The following ESR1 variants were observed in gnomAD, a reference collection of about 807,000 sequenced individuals.
ESR1 encodes the protein estrogen receptor 1.
Under a neutral mutation model 52.7 loss-of-function variants are expected in ESR1, and 12 were observed. The ratio of observed to expected loss-of-function variants is 0.23; its 90% CI spans 0.15 to 0.37. ESR1 has a LOEUF of 0.37. Among genes scored for constraint, ESR1 ranks in the 10% least tolerant of loss-of-function variants. ESR1 has a pLI of 1.00. For missense variants in ESR1, 584 were observed against 779.7 expected (o/e 0.75, Z 2.99); for synonymous variants, 305 against 316.8 (o/e 0.96, Z 0.39).
intron 1 of ESR1, among the ~76,000 whole-genome samples, chr6:151,681,012 C>A (rs1438722818): frequency 2.0e-5 from 3 of 152,148 alleles, no homozygotes; most frequent in African/African-American, 7.2e-5. Context: ...GCTGCTTGGC[C>A]TCCTTACCTG....
intron 2 of ESR1, among the ~76,000 whole-genome samples, chr6:151,737,338 G>A (rs1782756632): frequency 6.6e-6 from 1 of 152,084 alleles, no homozygotes; most frequent in African/African-American, 2.4e-5. Context: ...TATTCATCTT[G>A]CCAATTGTCC....
intron 2 of ESR1, among the ~76,000 whole-genome samples, chr6:151,843,279 G>T (rs1031425505): frequency 6.6e-6 from 1 of 152,006 alleles, no homozygotes; most frequent in African/African-American, 2.4e-5. Context: ...TCTCTTTCTT[G>T]TCTCAATGGA....
At chr6:151,883,858 C>G (rs1417808335) in intron 3 of ESR1, among the ~76,000 whole-genome samples, 2 of 152,136 alleles carry the variant, frequency 1.3e-5, no homozygotes, top group African/African-American at 4.8e-5. Context: ...TCGGGGCATC[C>G]ACAGCTTCTT....
rs1323839953 is a variant in ESR1, at chr6:152,102,830, AC to A, written c.*3867del. On this transcript the variant is annotated 3_prime_UTR_variant, in exon 8 of 8. Coordinates refer to ENST00000206249, the MANE Select transcript of ESR1 (RefSeq NM_000125.4). ...ATATGTAAATGCTGCCATGTTCCAA[AC>A]CCATCGTCAGTGTGTGTGTTTAGAG... 2 of 226,108 alleles carry A rather than the reference AC, an allele frequency of 8.8e-6. No homozygotes were observed. Among genetic ancestry groups the A allele is most frequent in the Non-Finnish European group, 1.8e-5 (2 of 113,470 alleles). 14.0% of individuals were successfully genotyped at this position (226,108 alleles called of 1,614,324 possible). A position where few individuals can be genotyped will look rare whatever the true frequency, so the allele number is the denominator to read the frequency against.
intron 2 of ESR1, among the ~76,000 whole-genome samples, chr6:151,872,045 G>T (rs1043056301): frequency 4.6e-5 from 7 of 152,142 alleles, no homozygotes; most frequent in African/African-American, 1.7e-4. Flanking sequence ...ATGAACATGG[G>T]TATAAAAATA....
At chr6:151,842,153 A>G (rs948473045) in intron 1 of ESR1, among the ~76,000 whole-genome samples, 5 of 152,166 alleles carry the variant, frequency 3.3e-5, no homozygotes, top group East Asian at 1.9e-4. Context: ...TTTTTGACAC[A>G]TGTTCTGTGT....
intron 2 of ESR1, among the ~76,000 whole-genome samples, chr6:151,765,904 C>T (rs1230421955): frequency 1.3e-5 from 2 of 152,136 alleles, no homozygotes; most frequent in African/African-American, 4.8e-5. Context: ...TATCAAAATG[C>T]GTTGGTTTAT....
At chr6:152,042,320 A>G (rs2045875833) in intron 5 of ESR1, among the ~76,000 whole-genome samples, 1 of 152,188 alleles carries the variant, frequency 6.6e-6, no homozygotes, top group Admixed American at 6.5e-5. Flanking sequence ...CCCCACTGTA[A>G]GTTGGACCTG....
At chr6:151,662,641 A>G (rs1218131393) in intron 1 of ESR1, among the ~76,000 whole-genome samples, 1 of 152,158 alleles carries the variant, frequency 6.6e-6, no homozygotes. Context: ...ACCACAGGCG[A>G]GAAAGTGGCA....
chr6:151,996,677 G>A (rs1401448707), intron 4 of ESR1, among the ~76,000 whole-genome samples: 3 of 152,028 alleles, frequency 2.0e-5, no homozygotes, highest in Non-Finnish European at 2.9e-5. Context: ...ATAAGCATGC[G>A]TATAGAGGGT....
chr6:151,806,530 G>GTATGTATGTATATA (rs1430574846), upstream of ESR1, among the ~76,000 whole-genome samples: 3 of 96,468 alleles, frequency 3.1e-5, no homozygotes, highest in African/African-American at 1.2e-4. Context: ...TCCTTAATAT[G>GTATGTATGTATATA]TATATATATA....
At chr6:152,122,266 T>A in intron 6 of ESR1, 1 of 1,001,718 alleles carries the variant, frequency 1.0e-6, no homozygotes, top group Non-Finnish European at 1.5e-6. Flanking sequence ...TCACTGTTTA[T>A]CTTCCACCTC....
chr6:152,066,157 G>A (rs2047947619), intron 6 of ESR1, among the ~76,000 whole-genome samples: 1 of 152,188 alleles, frequency 6.6e-6, no homozygotes, highest in South Asian at 2.1e-4. Context: ...GGATGCTGAA[G>A]CAGATGCCAT....
chr6:151,916,449 G>T (rs34051518), intron 3 of ESR1, among the ~76,000 whole-genome samples: 1,550 of 152,302 alleles, frequency 0.01, 18 homozygotes, highest in African/African-American at 0.036. Context: ...TTCTTATTAA[G>T]AAATTTTTTA....
At chr6:151,656,763 G>A (rs935106498) in exon 1 of ESR1, 1 of 152,076 alleles carries the variant, frequency 6.6e-6, no homozygotes, top group Non-Finnish European at 1.5e-5. Flanking sequence ...TACCAAAGAA[G>A]GTAAGTTTTT....
intron 3 of ESR1, among the ~76,000 whole-genome samples, chr6:151,910,953 A>G (rs1028928355): frequency 2.0e-5 from 3 of 152,178 alleles, no homozygotes; most frequent in Non-Finnish European, 4.4e-5. Flanking sequence ...ATCATCAGGC[A>G]TTATTAGGTT....
chr6:151,863,794 A>C (rs1229614289), intron 2 of ESR1, among the ~76,000 whole-genome samples: 1 of 152,174 alleles, frequency 6.6e-6, no homozygotes, highest in Non-Finnish European at 1.5e-5. Flanking sequence ...AAACGTGACA[A>C]AAACAAGAAA....
intron 2 of ESR1, among the ~76,000 whole-genome samples, chr6:151,717,440 T>C (rs1231595275): frequency 6.6e-6 from 1 of 152,254 alleles, no homozygotes; most frequent in Non-Finnish European, 1.5e-5. Flanking sequence ...AATAAACTTA[T>C]ATGTATGTCC....
intron 2 of ESR1, among the ~76,000 whole-genome samples, chr6:151,750,230 T>C (rs1375114010): frequency 6.6e-6 from 1 of 152,240 alleles, no homozygotes; most frequent in Non-Finnish European, 1.5e-5. Context: ...ATTGAATTTT[T>C]CTTTTTGTAC....
Sources: gnomAD v4.1 joint callset for allele counts (sites outside exome capture counted in the v4.1 genomes callset) on GRCh38, gnomAD v4.1.1 for gene constraint, MANE v1.5 for transcripts, NCBI Gene and HGNC (gene_info 2026-07-23, HGNC 2026-07-21) for gene names.